THSD7B: variants seen among roughly 807,000 people sequenced by gnomAD.
THSD7B encodes thrombospondin type 1 domain containing 7B, also known as thrombospondin type-1 domain-containing protein 7B.
In THSD7B, 138 loss-of-function variants were observed where a neutral mutation model predicts 213.6. The ratio of observed to expected loss-of-function variants is 0.65; its 90% CI spans 0.56 to 0.74. THSD7B has a LOEUF of 0.74. Among genes scored for constraint, THSD7B ranks in the 30% least tolerant of loss-of-function variants. The pLI is 0.00. For missense variants in THSD7B, 1,931 were observed against 1,991.5 expected (o/e 0.97, Z 0.58); for synonymous variants, 742 against 687.0 (o/e 1.08, Z -1.25).
At chr2:137,146,211 T>C (rs1306470291) in intron 5 of THSD7B, among the ~76,000 whole-genome samples, 1 of 152,154 alleles carries the variant, frequency 6.6e-6, no homozygotes, top group African/African-American at 2.4e-5. Context: ...AAGTATTATC[T>C]TTAATACAAG....
intron 12 of THSD7B, among the ~76,000 whole-genome samples, chr2:137,315,087 C>T (rs6745439): frequency 0.025 from 3,748 of 152,276 alleles, 171 homozygotes; most frequent in African/African-American, 0.085. Flanking sequence ...TGGGCAATGG[C>T]GGGCGCCCCT....
At chr2:137,495,156 AT>A (rs1376729314) in intron 15 of THSD7B, among the ~76,000 whole-genome samples, 5 of 151,958 alleles carry the variant, frequency 3.3e-5, no homozygotes, top group Non-Finnish European at 7.4e-5. Flanking sequence ...AATTTGGATT[AT>A]TTTTTTTCTA....
At chr2:137,587,976 G>T (rs1681776249) in intron 17 of THSD7B, among the ~76,000 whole-genome samples, 1 of 152,172 alleles carries the variant, frequency 6.6e-6, no homozygotes, top group Admixed American at 6.5e-5. Context: ...GCTGTGGTGG[G>T]CTCCACCCAG....
At chr2:137,101,199 G>A (rs916321456) in intron 4 of THSD7B, among the ~76,000 whole-genome samples, 1 of 151,882 alleles carries the variant, frequency 6.6e-6, no homozygotes, top group Non-Finnish European at 1.5e-5. Flanking sequence ...CACCATGCCT[G>A]GCTGATTATT....
intron 12 of THSD7B, among the ~76,000 whole-genome samples, chr2:137,396,600 G>T (rs1686196325): frequency 7.2e-6 from 1 of 138,488 alleles, no homozygotes; most frequent in African/African-American, 2.7e-5. Flanking sequence ...GGTCAATTTT[G>T]GAATAGGTGT....
intron 1 of THSD7B, among the ~76,000 whole-genome samples, chr2:136,850,951 T>C (rs752205913): frequency 2.8e-4 from 43 of 152,040 alleles, no homozygotes; most frequent in Non-Finnish European, 5.0e-4. Flanking sequence ...AAATGAGAGA[T>C]TTAAATTTAT....
At chr2:137,556,612 T>G (rs192092382) in intron 15 of THSD7B, among the ~76,000 whole-genome samples, 1 of 152,130 alleles carries the variant, frequency 6.6e-6, no homozygotes, top group African/African-American at 2.4e-5. Flanking sequence ...AGACCATCGA[T>G]GCTAGGAAGA....
chr2:137,241,537 T>C (rs1436609177), intron 9 of THSD7B, among the ~76,000 whole-genome samples: 1 of 152,214 alleles, frequency 6.6e-6, no homozygotes, highest in Non-Finnish European at 1.5e-5. Flanking sequence ...TCTTCCTTGT[T>C]AATGCTGGTT....
chr2:136,845,827 AT>A (rs1357574242), intron 1 of THSD7B, among the ~76,000 whole-genome samples: 1 of 152,204 alleles, frequency 6.6e-6, no homozygotes, highest in Non-Finnish European at 1.5e-5. Flanking sequence ...CTCATTCCTC[AT>A]CACAACTTAT....
intron 2 of THSD7B, among the ~76,000 whole-genome samples, chr2:136,949,742 C>T (rs1218401897): frequency 1.3e-5 from 2 of 152,228 alleles, no homozygotes; most frequent in Non-Finnish European, 1.5e-5. Context: ...TGTGATGAGG[C>T]CTGAGAATAT....
intron 12 of THSD7B, among the ~76,000 whole-genome samples, chr2:137,335,431 A>G (rs1320399677): frequency 1.3e-5 from 2 of 152,180 alleles, no homozygotes; most frequent in African/African-American, 4.8e-5. Context: ...CAGATTATCA[A>G]CTGATGCCTT....
intron 7 of THSD7B, among the ~76,000 whole-genome samples, chr2:137,202,852 T>C (rs1275890278): frequency 1.3e-5 from 2 of 152,078 alleles, no homozygotes; most frequent in Non-Finnish European, 2.9e-5. Flanking sequence ...TATGTCTTGA[T>C]AGAGAGATAA....
intron 7 of THSD7B, among the ~76,000 whole-genome samples, chr2:137,223,728 T>C (rs1409688716): frequency 1.3e-5 from 2 of 152,160 alleles, no homozygotes; most frequent in East Asian, 1.9e-4. Flanking sequence ...AGCACTGATG[T>C]GGTTTGAATT....
At chr2:137,067,556 A>T (rs1196021560) in intron 3 of THSD7B, among the ~76,000 whole-genome samples, 1 of 149,696 alleles carries the variant, frequency 6.7e-6, no homozygotes, top group Non-Finnish European at 1.5e-5. Context: ...AAGTTTCAGG[A>T]GTTGGGGAAA....
intron 1 of THSD7B, among the ~76,000 whole-genome samples, chr2:136,855,030 G>T (rs564094265): frequency 7.9e-5 from 12 of 152,296 alleles, no homozygotes; most frequent in Admixed American, 2.0e-4. Flanking sequence ...TGTAAGCATT[G>T]TTAGTTTTCT....
At chr2:137,072,246 T>G (rs34587217) in intron 3 of THSD7B, among the ~76,000 whole-genome samples, 4 of 151,968 alleles carry the variant, frequency 2.6e-5, no homozygotes, top group East Asian at 1.9e-4. Flanking sequence ...TGAGCATGCA[T>G]TGTTCTTCCG....
intron 17 of THSD7B, among the ~76,000 whole-genome samples, chr2:137,574,357 C>T (rs896508893): frequency 2.7e-4 from 41 of 152,056 alleles, no homozygotes; most frequent in African/African-American, 8.7e-4. Context: ...ATATTTTAAC[C>T]TCCTTTCATG....
At position 137,394,749 on chromosome 2, in the gene THSD7B, G is replaced by A. The variant is rs1375595624; in HGVS notation, c.2501-10864G>A. Among the ~76,000 whole-genome samples the A allele has an allele frequency of 3.6e-5, 5 of 137,418 alleles. No individual in the cohort carries two copies. In the South Asian group the frequency reaches 1.2e-3, roughly 34 times the overall value. 90.2% of individuals were successfully genotyped at this position (137,418 alleles called of 152,430 possible). On this transcript the variant is annotated intron_variant, in intron 12 of 27. Coordinates refer to ENST00000409968, the MANE Select transcript of THSD7B (RefSeq NM_001316349.2). Reference sequence around the variant, plus strand: ...TGGCATTGAATCTGTAAATTACCTTGGGCAGTATGGCCATTTTCACGATAT... The same window carrying A: ...TGGCATTGAATCTGTAAATTACCTTAGGCAGTATGGCCATTTTCACGATAT...
chr2:136,772,128 A>G (rs1385830186), intron 1 of THSD7B, among the ~76,000 whole-genome samples: 1 of 113,744 alleles, frequency 8.8e-6, no homozygotes, highest in African/African-American at 2.6e-5. Flanking sequence ...CTAGATGTGT[A>G]TCCCAGATTG....
Sources: gnomAD v4.1 joint callset for allele counts (sites outside exome capture counted in the v4.1 genomes callset) on GRCh38, gnomAD v4.1.1 for gene constraint, MANE v1.5 for transcripts, NCBI Gene and HGNC (gene_info 2026-07-23, HGNC 2026-07-21) for gene names.